PTBP3: variants seen among roughly 807,000 people sequenced by gnomAD.
PTBP3 encodes the protein polypyrimidine tract binding protein 3.
A neutral mutation model predicts 58.7 loss-of-function variants in PTBP3; 20 were observed. The ratio of observed to expected loss-of-function variants is 0.34; its 90% confidence interval spans 0.24 to 0.50. The LOEUF (loss-of-function observed/expected upper bound fraction) is 0.50, where lower values mean the gene tolerates loss of function less well. PTBP3 is among the 20% of genes least tolerant of loss of function. PTBP3 has a pLI of 0.98. For synonymous variants in PTBP3, 185 were observed against 219.8 expected (o/e 0.84, Z 1.40); for missense variants, 509 against 637.2 (o/e 0.80, Z 2.17).
intron 8 of PTBP3, 26 bp downstream of exon 8, chr9:112,234,794 T>C: frequency 6.3e-7 from 1 of 1,579,764 alleles, no homozygotes; most frequent in Non-Finnish European, 8.7e-7. Flanking sequence ...TTAAAAGTCA[T>C]TTCAAATCCA....
upstream of PTBP3, among the ~76,000 whole-genome samples, chr9:112,337,814 G>A (rs546599328): frequency 3.3e-5 from 5 of 152,290 alleles, no homozygotes; most frequent in East Asian, 1.9e-4. Context: ...CATTCCAGTA[G>A]GCAGTGGTTA....
the PTBP3 span, among the ~76,000 whole-genome samples, chr9:112,379,118 G>A: frequency 3.3e-5 from 5 of 152,226 alleles, no homozygotes; most frequent in Non-Finnish European, 7.3e-5. Flanking sequence ...GAACCCGGGA[G>A]GCGGAGGTTA....
rs766708958 is a variant in PTBP3 at position 112,252,777 on chromosome 9, T to C, written c.528A>G (p.Lys176=). ...TGATAATCTTCAAGACTGTGCCAAATTTAGAAAATATCTGGAAAACAGTTC... is the reference window on the plus strand; with the variant it reads ...TGATAATCTTCAAGACTGTGCCAAACTTAGAAAATATCTGGAAAACAGTTC... ...TLEVLHQIFS[K]FGTVLKIITF... Residue 176 remains lysine (K), a synonymous_variant, in exon 6 of 14, where the codon AAA becomes AAG. Coordinates refer to ENST00000374257, the MANE Select transcript of PTBP3 (RefSeq NM_001163788.4). 3 of 1,592,248 alleles carry C rather than the reference T, an allele frequency of 1.9e-6. No individual in the cohort carries two copies. In the South Asian group the frequency reaches 3.3e-5, roughly 18 times the overall value.
the PTBP3 span, among the ~76,000 whole-genome samples, chr9:112,340,885 A>AAAAAT: frequency 2.5e-4 from 38 of 149,220 alleles, 1 homozygote; most frequent in Admixed American, 6.0e-4. Context: ...TCAAAAAAAA[A>AAAAAT]AAATAAATAA....
rs1156493219 is a variant in PTBP3 at position 112,275,889 on chromosome 9, T to C, written c.159A>G (p.Pro53=). The C allele has an allele frequency of 1.2e-6, 2 of 1,614,014 alleles. No homozygotes were observed. The highest frequency in any genetic ancestry group is 8.5e-7 in the Non-Finnish European group (1 of 1,179,886). ...TCAAAAGATTAGTTACTTTGCCAAA[T>C]GGTAGACCTAATGATATGATCTCTG... ...TEAEIISLGL[P]FGKVTNLLML... The change falls in exon 3 of 14, where the codon CCA becomes CCG. Residue 53 remains proline (P), a synonymous_variant. Transcript: ENST00000374257.
intron 1 of PTBP3, among the ~76,000 whole-genome samples, chr9:112,307,858 G>A (rs1829289487): frequency 1.3e-5 from 2 of 152,228 alleles, no homozygotes; most frequent in South Asian, 4.1e-4. Flanking sequence ...TGTCCAACAT[G>A]CAGCCCATGG....
chr9:112,371,494 G>T, the PTBP3 span, among the ~76,000 whole-genome samples: 23 of 152,120 alleles, frequency 1.5e-4, no homozygotes, highest in African/African-American at 3.9e-4. Context: ...CACATGAAAA[G>T]ATATAAAATT....
chr9:112,267,557 A>G (rs1827148948), intron 4 of PTBP3, among the ~76,000 whole-genome samples: 1 of 152,248 alleles, frequency 6.6e-6, no homozygotes, highest in Non-Finnish European at 1.5e-5. Flanking sequence ...GAAGACACAA[A>G]AGACTCAACG....
intron 7 of PTBP3, among the ~76,000 whole-genome samples, chr9:112,243,996 T>C (rs1417359500): frequency 2.0e-5 from 3 of 151,568 alleles, no homozygotes; most frequent in African/African-American, 4.9e-5. Context: ...AAAATAAAAG[T>C]AAAAGTAAGA....
intron 2 of PTBP3, among the ~76,000 whole-genome samples, chr9:112,291,081 G>A (rs1347647405): frequency 6.6e-6 from 1 of 152,066 alleles, no homozygotes; most frequent in Non-Finnish European, 1.5e-5. Flanking sequence ...AATTAGCTGG[G>A]CATGGTGGCG....
In PTBP3 at chr9:112,274,863, C is replaced by T. The variant is rs549789720; in HGVS notation, c.204+981G>A. On this transcript the variant is annotated intron_variant, in intron 3 of 13. Coordinates refer to ENST00000374257, the MANE Select transcript of PTBP3 (RefSeq NM_001163788.4). Reference sequence around the variant, plus strand: ...ATTCACAGCAACCAATCAGAAAGAGCGTGGCCTATCTGAATCAGCACAATA... The same window carrying T: ...ATTCACAGCAACCAATCAGAAAGAGTGTGGCCTATCTGAATCAGCACAATA... Among the ~76,000 whole-genome samples, 6 of 152,262 alleles carry T rather than the reference C, an allele frequency of 3.9e-5. No homozygotes were observed. In the South Asian group the frequency reaches 8.3e-4, roughly 21 times the overall value.
At chr9:112,354,532 G>T in the PTBP3 span, among the ~76,000 whole-genome samples, 4 of 152,234 alleles carry the variant, frequency 2.6e-5, no homozygotes, top group Admixed American at 6.5e-5. Flanking sequence ...AGGATTACTT[G>T]TATCAGAGGA....
Position 112,253,593 on chromosome 9 carries a change from CTG to C in PTBP3, c.517-807_517-806del, listed in dbSNP as rs1381169874. ...TTTACTCTGTTGATATGGTTTGGCT[CTG>C]TGTCACCACCCAAATCTCATCTCAA... On this transcript the variant is annotated intron_variant, in intron 5 of 13. Coordinates refer to ENST00000374257, the MANE Select transcript of PTBP3 (RefSeq NM_001163788.4). 2.0e-5 allele frequency among the ~76,000 whole-genome samples: 3 copies of C among 152,266 alleles called. No homozygotes were observed. In the South Asian group the frequency reaches 6.2e-4, roughly 32 times the overall value.
chr9:112,278,469 T>C (rs1827720675), intron 2 of PTBP3, among the ~76,000 whole-genome samples: 2 of 152,166 alleles, frequency 1.3e-5, no homozygotes, highest in Non-Finnish European at 2.9e-5. Context: ...GAAGCTCCTA[T>C]CAGTTTACCC....
chr9:112,319,887 C>G (rs1829849779), intron 1 of PTBP3, among the ~76,000 whole-genome samples: 1 of 151,978 alleles, frequency 6.6e-6, no homozygotes, highest in Admixed American at 6.6e-5. Flanking sequence ...ATGGATAAAC[C>G]CGGAGGACAC....
intron 4 of PTBP3, 78 bp from the exon 5 acceptor site, chr9:112,262,677 C>G (rs893101179): frequency 1.5e-6 from 2 of 1,295,598 alleles, no homozygotes; most frequent in Non-Finnish European, 2.0e-6. Context: ...TGACATAAAA[C>G]AGTATGAAGC....
Position 112,284,784 on chromosome 9 carries a change from A to T in PTBP3, c.35-8771T>A, listed in dbSNP as rs114893544. Among the ~76,000 whole-genome samples the T allele has an allele frequency of 7.1e-3, 1,086 of 152,300 alleles. 20 individuals are homozygous for T. Among genetic ancestry groups the T allele is most frequent in the African/African-American group, 0.025 (1,033 of 41,568 alleles). On this transcript the variant is annotated intron_variant, in intron 2 of 13. Transcript: ENST00000374257. ...CCACTGGATTTTGAACCTGCTTAGGAGCCTATGGCCCTTGCGTTTTGATCA... is the reference window on the plus strand; with the variant it reads ...CCACTGGATTTTGAACCTGCTTAGGTGCCTATGGCCCTTGCGTTTTGATCA...
chr9:112,317,978 C>T (rs980160135), intron 1 of PTBP3, among the ~76,000 whole-genome samples: 2 of 152,220 alleles, frequency 1.3e-5, no homozygotes, highest in African/African-American at 4.8e-5. Flanking sequence ...TTATGAACAA[C>T]TTTACATGCA....
the PTBP3 span, among the ~76,000 whole-genome samples, chr9:112,379,489 T>C: frequency 7.4e-6 from 1 of 134,822 alleles, no homozygotes; most frequent in East Asian, 2.1e-4. Flanking sequence ...AGCGCGACTT[T>C]TGCAGAGAGC....
Sources: allele counts gnomAD v4.1 joint callset (sites outside exome capture counted in the v4.1 genomes callset), GRCh38; gene constraint gnomAD v4.1.1; transcripts MANE v1.5; gene names NCBI Gene and HGNC (gene_info 2026-07-23, HGNC 2026-07-21).